The following WWC2 variants were observed in gnomAD, a reference collection of about 807,000 sequenced individuals.
WWC2 encodes WW and C2 domain containing 2.
WWC2 carries 101 observed loss-of-function variants against 138.5 expected under a neutral mutation model. That is an observed-to-expected ratio of 0.73 (90% confidence interval 0.62 to 0.86). The LOEUF (loss-of-function observed/expected upper bound fraction) is 0.86, where lower values mean the gene tolerates loss of function less well. Ranked by LOEUF, WWC2 falls within the 40% of genes least tolerant of loss-of-function variation. The pLI is 0.00. For synonymous variants in WWC2, 558 were observed against 538.4 expected (o/e 1.04, Z -0.50); for missense variants, 1,420 against 1,419.4 (o/e 1.00, Z -0.01).
At chr4:183,216,979 T>C (rs1391678217) in intron 4 of WWC2, among the ~76,000 whole-genome samples, 1 of 152,162 alleles carries the variant, frequency 6.6e-6, no homozygotes, top group African/African-American at 2.4e-5. Context: ...TCAGCCAGCA[T>C]AGAGACATAG....
At chr4:183,112,829 TAAG>T (rs1426072475) in intron 1 of WWC2, among the ~76,000 whole-genome samples, 1 of 152,008 alleles carries the variant, frequency 6.6e-6, no homozygotes, top group Admixed American at 6.6e-5. Context: ...GCTATGAGGA[TAAG>T]AAGGAGCCAT....
In WWC2 at chr4:183,099,408, G is replaced by T; in HGVS notation, c.-84G>T. On this transcript the variant is annotated 5_prime_UTR_variant, in exon 1 of 23. Coordinates refer to ENST00000403733, the MANE Select transcript of WWC2 (RefSeq NM_024949.6). ...TCGCCGGCGCCCGCGTCGCGGGTTG[G>T]CAGCCTAGCCCGGCAGCCGCGTTCC... is the stretch of plus-strand genomic sequence containing the variant. 2 of 1,167,236 alleles carry T rather than the reference G, an allele frequency of 1.7e-6. No homozygotes were observed. Among genetic ancestry groups the T allele is most frequent in the Non-Finnish European group, 2.1e-6 (2 of 942,060 alleles). The allele number at this position is 1,167,236 out of a possible 1,614,324, so 72.3% of individuals were successfully genotyped here. A position where few individuals can be genotyped will look rare whatever the true frequency, so the allele number is the denominator to read the frequency against.
intron 18 of WWC2, among the ~76,000 whole-genome samples, chr4:183,283,983 T>C (rs1580146992): frequency 2.0e-5 from 3 of 152,298 alleles, no homozygotes; most frequent in Admixed American, 6.5e-5. Flanking sequence ...TCACACGGCC[T>C]GCTGTGCAGA....
intron 1 of WWC2, among the ~76,000 whole-genome samples, chr4:183,118,003 T>C (rs561555690): frequency 0.022 from 3,376 of 152,046 alleles, 61 homozygotes; most frequent in Non-Finnish European, 0.038. Flanking sequence ...TTTCGCCATG[T>C]TGGCCAGGCT....
At chr4:183,132,019 T>C (rs1464377770) in intron 1 of WWC2, among the ~76,000 whole-genome samples, 1 of 152,218 alleles carries the variant, frequency 6.6e-6, no homozygotes, top group Non-Finnish European at 1.5e-5. Context: ...TCTATTTTTG[T>C]GTTGCAGTTC....
At chr4:183,199,733 A>G (rs1735250473) in intron 2 of WWC2, among the ~76,000 whole-genome samples, 1 of 152,200 alleles carries the variant, frequency 6.6e-6, no homozygotes, top group African/African-American at 2.4e-5. Flanking sequence ...CTTCCATGAT[A>G]AGCTCTTGTA....
At chr4:183,141,877 G>A (rs1400686441) in intron 1 of WWC2, among the ~76,000 whole-genome samples, 3 of 152,174 alleles carry the variant, frequency 2.0e-5, no homozygotes, top group Admixed American at 6.5e-5. Flanking sequence ...GGCACTGCTT[G>A]TAGCCATGAA....
At chr4:183,268,131 T>A (rs1292484523) in intron 14 of WWC2, among the ~76,000 whole-genome samples, 3 of 152,162 alleles carry the variant, frequency 2.0e-5, no homozygotes. Context: ...AGTTCTGCAT[T>A]TGAATTACAG....
chr4:183,142,655 T>C (rs1733335797), intron 1 of WWC2, among the ~76,000 whole-genome samples: 1 of 152,190 alleles, frequency 6.6e-6, no homozygotes, highest in Non-Finnish European at 1.5e-5. Context: ...TTTCAAATGG[T>C]GGTTTGGGGA....
intron 1 of WWC2, among the ~76,000 whole-genome samples, chr4:183,164,289 TATA>T (rs1235743212): frequency 0.054 from 16 of 294 alleles, no homozygotes; most frequent in East Asian, 0.17. Context: ...TATATATATA[TATA>T]TATATATACA....
At chr4:183,191,581 TTTCAAGCTCTTAAC>T (rs1734994473) in intron 1 of WWC2, among the ~76,000 whole-genome samples, 1 of 152,224 alleles carries the variant, frequency 6.6e-6, no homozygotes, top group South Asian at 2.1e-4. Flanking sequence ...TGATGCCAAA[TTTCAAGCTCTTAAC>T]TTCTAAGCCG....
intron 11 of WWC2, among the ~76,000 whole-genome samples, chr4:183,264,259 T>A (rs375482416): frequency 1.4e-4 from 21 of 152,118 alleles, no homozygotes; most frequent in African/African-American, 5.1e-4. Context: ...CCAATACAGA[T>A]CCCTGCGCTC....
At chr4:183,159,886 T>C (rs1733911281) in intron 1 of WWC2, among the ~76,000 whole-genome samples, 1 of 152,168 alleles carries the variant, frequency 6.6e-6, no homozygotes, top group Non-Finnish European at 1.5e-5. Context: ...CCCTAAAGTT[T>C]CATTATTTCA....
At chr4:183,270,174 G>A (rs1737653374) in intron 15 of WWC2, 1 of 152,166 alleles carries the variant, frequency 6.6e-6, no homozygotes, top group African/African-American at 2.4e-5. Context: ...AAAGGCTTTA[G>A]TATCATAGAT....
chr4:183,178,892 T>C (rs1734541946), intron 1 of WWC2, among the ~76,000 whole-genome samples: 1 of 152,224 alleles, frequency 6.6e-6, no homozygotes, highest in Non-Finnish European at 1.5e-5. Context: ...TGAATCTGTG[T>C]CTGAGTAAAA....
At chr4:183,282,946 C>G (rs3814421) in intron 18 of WWC2, 40 bp downstream of exon 18, 2 of 1,518,144 alleles carry the variant, frequency 1.3e-6, no homozygotes, top group Admixed American at 2.1e-5. Context: ...TGATACCTTA[C>G]AGGCACCATG....
At chr4:183,109,625 C>G (rs769792591) in intron 1 of WWC2, among the ~76,000 whole-genome samples, 1 of 152,228 alleles carries the variant, frequency 6.6e-6, no homozygotes, top group African/African-American at 2.4e-5. Context: ...AATGCCACCA[C>G]TGATCTGACA....
chr4:183,319,515 A>G lies in WWC2; in HGVS notation c.*3786A>G. On this transcript the variant is annotated 3_prime_UTR_variant, in exon 23 of 23. Coordinates refer to ENST00000403733, the MANE Select transcript of WWC2 (RefSeq NM_024949.6). ...GGACATCCTACCAAATCCAGTGTTG[A>G]GCAAGCGTCTCCTGAACAGCAGACG... is the stretch of plus-strand genomic sequence containing the variant. The G allele has an allele frequency of 1.3e-6, 2 of 1,539,670 alleles. No homozygotes were observed. Among genetic ancestry groups the G allele is most frequent in the Non-Finnish European group, 1.8e-6 (2 of 1,142,656 alleles).
Position 183,099,602 on chromosome 4 carries a change from C to G in WWC2, c.111C>G (p.Ser37Arg). Residue 37 changes from serine to arginine, a missense_variant, in exon 1 of 23, where the codon AGC becomes AGG. Coordinates refer to ENST00000403733, the MANE Select transcript of WWC2 (RefSeq NM_024949.6). ...TTGACCACAACACCAGGAGGACCAG[C>G]TGGATCGACCCCCGGGACAGGTGGG... ...FYIDHNTRRT[S>R]WIDPRDRLTK... 7.3e-7 allele frequency: 1 copy of G among 1,377,236 alleles called. No individual in the cohort carries two copies. The highest frequency in any genetic ancestry group is 9.5e-7 in the Non-Finnish European group (1 of 1,047,350). 85.3% of individuals were successfully genotyped at this position (1,377,236 alleles called of 1,614,324 possible).
Sources: gnomAD v4.1 joint callset for allele counts (sites outside exome capture counted in the v4.1 genomes callset) on GRCh38, gnomAD v4.1.1 for gene constraint, MANE v1.5 for transcripts, NCBI Gene and HGNC (gene_info 2026-07-23, HGNC 2026-07-21) for gene names.